The following ADD3 variants were observed in gnomAD, a reference collection of about 807,000 sequenced individuals.
The protein encoded by ADD3 is adducin 3.
Under a neutral mutation model 80.2 loss-of-function variants are expected in ADD3, and 25 were observed. The observed-to-expected ratio is 0.31, with a 90% CI of 0.23 to 0.44. The LOEUF (loss-of-function observed/expected upper bound fraction) is 0.44, where lower values mean the gene tolerates loss of function less well. ADD3 is among the 20% of genes least tolerant of loss of function. The pLI is 1.00. For missense variants in ADD3, 829 were observed against 847.5 expected, an observed-to-expected ratio of 0.98 and a Z score of 0.27; for synonymous variants, 284 against 289.6, an observed-to-expected ratio of 0.98 and a Z score of 0.20.
chr10:110,019,177 C>T (rs928680577), intron 1 of ADD3, among the ~76,000 whole-genome samples: 1 of 152,006 alleles, frequency 6.6e-6, no homozygotes, highest in African/African-American at 2.4e-5. Context: ...GGAGTTGATA[C>T]GAGATATGAC....
chr10:110,082,964 C>T (rs1846244168), intron 1 of ADD3, among the ~76,000 whole-genome samples: 1 of 152,104 alleles, frequency 6.6e-6, no homozygotes, highest in Admixed American at 6.5e-5. Flanking sequence ...AATCCCTGTC[C>T]TGGTTTATTC....
At chr10:110,038,518 G>A (rs964186282) in intron 1 of ADD3, among the ~76,000 whole-genome samples, 4 of 152,156 alleles carry the variant, frequency 2.6e-5, no homozygotes, top group Non-Finnish European at 5.9e-5. Flanking sequence ...ATATTATGCA[G>A]CCCTTACAAT....
At chr10:110,022,583 A>G (rs1384494814) in intron 1 of ADD3, among the ~76,000 whole-genome samples, 1 of 152,222 alleles carries the variant, frequency 6.6e-6, no homozygotes, top group Non-Finnish European at 1.5e-5. Context: ...TATTATTTGA[A>G]TGGCTGCATA....
chr10:110,080,045 A>G (rs968992744), intron 1 of ADD3, among the ~76,000 whole-genome samples: 1 of 152,186 alleles, frequency 6.6e-6, no homozygotes. Context: ...GGAAGGTATA[A>G]TAGTGCTGTG....
At chr10:110,032,786 G>A (rs189434404) in intron 1 of ADD3, among the ~76,000 whole-genome samples, 3 of 152,146 alleles carry the variant, frequency 2.0e-5, no homozygotes, top group East Asian at 3.9e-4. Flanking sequence ...CACTTTGTGC[G>A]TGCTCATATG....
At chr10:110,114,532 CAA>C (rs978514262) in intron 3 of ADD3, among the ~76,000 whole-genome samples, 4 of 152,102 alleles carry the variant, frequency 2.6e-5, no homozygotes, top group African/African-American at 4.8e-5. Context: ...GGGCTGAACT[CAA>C]GAGTGGACAA....
At chr10:110,101,754 A>G (rs191849906) in intron 2 of ADD3, among the ~76,000 whole-genome samples, 1 of 152,326 alleles carries the variant, frequency 6.6e-6, no homozygotes, top group Admixed American at 6.5e-5. Context: ...GTGGAAATGT[A>G]TTAATACATG....
intron 2 of ADD3, among the ~76,000 whole-genome samples, chr10:110,103,138 C>T (rs1590132876): frequency 6.6e-6 from 1 of 152,228 alleles, no homozygotes. Flanking sequence ...TACATTTTGT[C>T]TTCCTGCCAT....
upstream of ADD3, among the ~76,000 whole-genome samples, chr10:110,003,506 A>T (rs1305463705): frequency 6.6e-6 from 1 of 152,162 alleles, no homozygotes; most frequent in South Asian, 2.1e-4. Flanking sequence ...GCATTTTTAC[A>T]TTTATTATCT....
At chr10:110,109,116 G>A (rs1442753860) in intron 2 of ADD3, among the ~76,000 whole-genome samples, 2 of 152,182 alleles carry the variant, frequency 1.3e-5, no homozygotes, top group Non-Finnish European at 2.9e-5. Flanking sequence ...GCATTTACTA[G>A]CTGTATGTCC....
At chr10:110,102,495 T>C (rs1277278022) in intron 2 of ADD3, among the ~76,000 whole-genome samples, 1 of 152,088 alleles carries the variant, frequency 6.6e-6, no homozygotes, top group East Asian at 1.9e-4. Flanking sequence ...CGTAGTCTCA[T>C]ACTTGGGAGG....
intron 1 of ADD3, among the ~76,000 whole-genome samples, chr10:110,048,526 A>ATGAAATTTT (rs1453345888): frequency 6.6e-6 from 1 of 152,208 alleles, no homozygotes; most frequent in Admixed American, 6.5e-5. Context: ...CATATGGACA[A>ATGAAATTTT]TGAAATTTAG....
intron 1 of ADD3, among the ~76,000 whole-genome samples, chr10:110,029,634 G>A (rs563878778): frequency 2.0e-5 from 3 of 152,332 alleles, no homozygotes; most frequent in African/African-American, 4.8e-5. Context: ...GGCCTCATCT[G>A]TGGTAATGTT....
intron 2 of ADD3, among the ~76,000 whole-genome samples, chr10:110,110,371 C>CCG (rs1849862688): frequency 6.6e-6 from 1 of 152,184 alleles, no homozygotes; most frequent in African/African-American, 2.4e-5. Flanking sequence ...ACCACTGCCA[C>CCG]TGTACTTCCC....
At chr10:110,132,464 T>C in intron 14 of ADD3, 64 bp downstream of exon 14, 1 of 1,148,736 alleles carries the variant, frequency 8.7e-7, no homozygotes, top group Non-Finnish European at 1.3e-6. Flanking sequence ...CCTCTGTGTT[T>C]TGTTTTCACG....
intron 1 of ADD3, among the ~76,000 whole-genome samples, chr10:110,030,283 A>G (rs1474797390): frequency 6.7e-6 from 1 of 149,940 alleles, no homozygotes; most frequent in African/African-American, 2.4e-5. Context: ...AGATCGCACC[A>G]TTGCACTCCA....
chr10:110,092,953 G>A (rs977359511), intron 1 of ADD3, among the ~76,000 whole-genome samples: 3 of 152,076 alleles, frequency 2.0e-5, no homozygotes, highest in African/African-American at 7.2e-5. Flanking sequence ...TCCACCTCCT[G>A]GGTTCAAGCA....
rs781636166 is a variant in ADD3 at position 110,118,652 on chromosome 10, A to G, written c.633A>G (p.Thr211=). 4 of 1,613,658 alleles carry G rather than the reference A, an allele frequency of 2.5e-6. No individual in the cohort carries two copies. Among genetic ancestry groups the G allele is most frequent in the African/African-American group, 1.3e-5 (1 of 74,934 alleles). ...GTACCAATTTGAAAATTGACCATAC[A>G]GGATTCAGTCCCCATGCTGCAATCT... ...QGSTNLKIDH[T]GFSPHAAIYS... Residue 211 remains threonine, a synonymous_variant, in exon 6 of 15, where the codon ACA becomes ACG. Transcript: ENST00000356080.
At chr10:110,132,539 C>CAT (rs1853162995) in intron 14 of ADD3, 139 bp downstream of exon 14, 9 of 592,946 alleles carry the variant, frequency 1.5e-5, no homozygotes, top group South Asian at 1.3e-4. Flanking sequence ...CCAATAATTA[C>CAT]ATATTTTATA....
Sources: gnomAD v4.1 joint callset for allele counts (sites outside exome capture counted in the v4.1 genomes callset) on GRCh38, gnomAD v4.1.1 for gene constraint, MANE v1.5 for transcripts, NCBI Gene and HGNC (gene_info 2026-07-23, HGNC 2026-07-21) for gene names.